The following VWC2 variants were observed in gnomAD, a reference collection of about 807,000 sequenced individuals.
VWC2 encodes the protein brorin.
A neutral mutation model predicts 29.8 loss-of-function variants in VWC2; 14 were observed. That is an observed-to-expected ratio of 0.47 (90% CI 0.31 to 0.74). VWC2 has a LOEUF of 0.74. VWC2 is among the 30% of genes least tolerant of loss of function. The pLI is 0.05. For missense variants in VWC2, 457 were observed against 459.8 expected, an observed-to-expected ratio of 0.99 and a Z score of 0.05; for synonymous variants, 213 against 199.0, an observed-to-expected ratio of 1.07 and a Z score of -0.59.
At chr7:49,832,396 A>G (rs1023164846) in intron 3 of VWC2, among the ~76,000 whole-genome samples, 1 of 152,176 alleles carries the variant, frequency 6.6e-6, no homozygotes, top group African/African-American at 2.4e-5. Flanking sequence ...TTTCTGAGAA[A>G]TAGAGAATTC....
chr7:49,785,383 G>A (rs1360295077), intron 2 of VWC2, among the ~76,000 whole-genome samples: 2 of 152,080 alleles, frequency 1.3e-5, no homozygotes, highest in Non-Finnish European at 2.9e-5. Context: ...TCCAAGAGAC[G>A]GCAGTTCCAA....
rs574435780 is a variant in VWC2 at position 49,872,687 on chromosome 7, C to T, written c.827-39347C>T. Among the ~76,000 whole-genome samples, 4 of 151,074 alleles carry T rather than the reference C, an allele frequency of 2.6e-5. No individual in the cohort carries two copies. The East Asian group carries it at 7.8e-4, about 29-fold the overall frequency. ...TTGGGAGGTCAAGGTGGGCGGATCA[C>T]CTGAGGTCAGGAGTTCCAGACCAGC... On this transcript the variant is annotated intron_variant, in intron 3 of 3. Coordinates refer to ENST00000340652, the MANE Select transcript of VWC2 (RefSeq NM_198570.5).
intron 3 of VWC2, among the ~76,000 whole-genome samples, chr7:49,907,484 A>T (rs577824935): frequency 6.6e-6 from 1 of 152,318 alleles, no homozygotes; most frequent in South Asian, 2.1e-4. Flanking sequence ...TATATTAAGG[A>T]TTTTAATAAA....
At chr7:49,792,011 A>T (rs1219059610) in intron 2 of VWC2, among the ~76,000 whole-genome samples, 7 of 152,320 alleles carry the variant, frequency 4.6e-5, no homozygotes, top group Admixed American at 4.6e-4. Context: ...TGGAAGGGCC[A>T]AAGGGAAACA....
At chr7:49,802,587 G>A (rs1433787947) in intron 2 of VWC2, 124 bp from the exon 3 acceptor site, 11 of 1,335,116 alleles carry the variant, frequency 8.2e-6, no homozygotes, top group Admixed American at 7.8e-5. Context: ...GCGGTGAGCC[G>A]AGATCGCACC....
chr7:49,815,577 A>C (rs776550865), intron 3 of VWC2, among the ~76,000 whole-genome samples: 1 of 152,216 alleles, frequency 6.6e-6, no homozygotes, highest in Non-Finnish European at 1.5e-5. Context: ...ATTTTTCCAC[A>C]ATGTATTATA....
chr7:49,872,915 C>CAAAAAAAAAAAAA (rs61473396), intron 3 of VWC2, among the ~76,000 whole-genome samples: 8 of 33,956 alleles, frequency 2.4e-4, no homozygotes, highest in Admixed American at 4.8e-4. Flanking sequence ...GACTTTGTCT[C>CAAAAAAAAAAAAA]AAAAAAAAAA....
chr7:49,921,646 CTATGTAAAGTGTTTATAACATAATACAT>C lies in VWC2; in HGVS notation c.*9463_*9490del, dbSNP rs1467302305. On this transcript the variant is annotated 3_prime_UTR_variant, in exon 4 of 4. Coordinates refer to ENST00000340652, the MANE Select transcript of VWC2 (RefSeq NM_198570.5). ...AATAGATATTTATAAAGCACAAGAT[CTATGTAAAGTGTTTATAACATAATACAT>C]TGGAATATGAGACTTGAACATTTTG... 1 of 152,104 alleles carries C rather than the reference CTATGTAAAGTGTTTATAACATAATACAT, an allele frequency of 6.6e-6. No homozygotes were observed. Among genetic ancestry groups the C allele is most frequent in the African/African-American group, 2.4e-5 (1 of 41,406 alleles). 9.4% of individuals were successfully genotyped at this position (152,104 alleles called of 1,614,324 possible).
At chr7:49,783,203 CAT>C (rs1047474792) in intron 2 of VWC2, among the ~76,000 whole-genome samples, 9 of 152,050 alleles carry the variant, frequency 5.9e-5, no homozygotes, top group African/African-American at 1.7e-4. Flanking sequence ...TTTAGGACAC[CAT>C]GTGTGTGAGG....
At chr7:49,854,920 A>G (rs1244344474) in intron 3 of VWC2, among the ~76,000 whole-genome samples, 1 of 152,220 alleles carries the variant, frequency 6.6e-6, no homozygotes, top group Non-Finnish European at 1.5e-5. Flanking sequence ...AACTTGCCCA[A>G]TGCCATGCAC....
chr7:49,840,291 T>G (rs1205393243), intron 3 of VWC2, among the ~76,000 whole-genome samples: 1 of 152,188 alleles, frequency 6.6e-6, no homozygotes, highest in Non-Finnish European at 1.5e-5. Flanking sequence ...TGTCTGGTGG[T>G]ATGGTGGAGG....
At chr7:49,865,850 T>G (rs1179812793) in intron 3 of VWC2, among the ~76,000 whole-genome samples, 2 of 152,170 alleles carry the variant, frequency 1.3e-5, no homozygotes, top group African/African-American at 2.4e-5. Flanking sequence ...AGTCTCAAAG[T>G]CCGGATGTCT....
chr7:49,838,228 G>A (rs1327493832), intron 3 of VWC2, among the ~76,000 whole-genome samples: 2 of 152,202 alleles, frequency 1.3e-5, no homozygotes, highest in East Asian at 3.9e-4. Context: ...TACATGCTGG[G>A]AGCACACAAC....
chr7:49,845,441 T>G (rs1175669943), intron 3 of VWC2, among the ~76,000 whole-genome samples: 1 of 152,178 alleles, frequency 6.6e-6, no homozygotes, highest in Non-Finnish European at 1.5e-5. Flanking sequence ...TATCAATATA[T>G]TAGTGAGATA....
intron 3 of VWC2, among the ~76,000 whole-genome samples, chr7:49,811,279 C>T (rs1304970786): frequency 6.6e-6 from 1 of 152,138 alleles, no homozygotes; most frequent in Non-Finnish European, 1.5e-5. Context: ...TGGCTGTGTC[C>T]ACACCCAAAT....
chr7:49,840,543 A>G (rs1304656477), intron 3 of VWC2, among the ~76,000 whole-genome samples: 2 of 152,110 alleles, frequency 1.3e-5, no homozygotes, highest in Non-Finnish European at 2.9e-5. Context: ...GGGGGTGACT[A>G]TGGATCACTG....
At position 49,916,147 on chromosome 7, in the gene VWC2, G is replaced by C. The variant is rs1400941542; in HGVS notation, c.*3962G>C. On this transcript the variant is annotated 3_prime_UTR_variant, in exon 4 of 4. Coordinates refer to ENST00000340652, the MANE Select transcript of VWC2 (RefSeq NM_198570.5). ...TCCTCACTTCACACCAACTTCTTCA[G>C]TCTATTATTTTAGTTTTCTAAATGT... is the stretch of plus-strand genomic sequence containing the variant. 6.6e-6 allele frequency: 1 copy of C among 152,168 alleles called. No homozygotes were observed. Among genetic ancestry groups the C allele is most frequent in the East Asian group, 1.9e-4 (1 of 5,202 alleles). The allele number at this position is 152,168 out of a possible 1,614,324, so 9.4% of individuals were successfully genotyped here. A position where few individuals can be genotyped will look rare whatever the true frequency, so the allele number is the denominator to read the frequency against.
intron 3 of VWC2, among the ~76,000 whole-genome samples, chr7:49,832,830 T>C (rs887725318): frequency 6.6e-6 from 1 of 152,194 alleles, no homozygotes; most frequent in African/African-American, 2.4e-5. Context: ...TGTCCAGTTG[T>C]CATTTAGCTT....
chr7:49,847,717 C>T (rs1789999669), intron 3 of VWC2, among the ~76,000 whole-genome samples: 1 of 152,152 alleles, frequency 6.6e-6, no homozygotes, highest in East Asian at 1.9e-4. Context: ...AGGGGTGAGG[C>T]GGGCTTAGGA....
Sources: gnomAD v4.1 joint callset for allele counts (sites outside exome capture counted in the v4.1 genomes callset) on GRCh38, gnomAD v4.1.1 for gene constraint, MANE v1.5 for transcripts, NCBI Gene and HGNC (gene_info 2026-07-23, HGNC 2026-07-21) for gene names.